SCUBE2: variants seen among roughly 807,000 people sequenced by gnomAD.
SCUBE2 encodes signal peptide, CUB and EGF-like domain-containing protein 2.
In SCUBE2, 114 loss-of-function variants were observed where a neutral mutation model predicts 125.9. The observed-to-expected ratio is 0.91, with a 90% CI of 0.78 to 1.06. The LOEUF (loss-of-function observed/expected upper bound fraction) is 1.06. Ranked by LOEUF, SCUBE2 falls within the 50% of genes least tolerant of loss-of-function variation. The probability of loss-of-function intolerance (pLI) is 0.00; values close to 1 mark genes in which losing one functional copy is unlikely to be tolerated. For missense variants in SCUBE2, 1,255 were observed against 1,301.8 expected (o/e 0.96, Z 0.55); for synonymous variants, 459 against 492.9 (o/e 0.93, Z 0.91).
In SCUBE2 at chr11:9,079,294, C is replaced by T. The variant is rs1564847686; in HGVS notation, c.382+90G>A. ...AGCAGAAAACACAAGGCTCTGAGCC[C>T]GTTTTTGTCTTCATGAGGAGGTCTT... On this transcript the variant is annotated intron_variant, in intron 3 of 22. Coordinates refer to ENST00000649792, the MANE Select transcript of SCUBE2 (RefSeq NM_001367977.2). 6.0e-6 allele frequency: 9 copies of T among 1,493,078 alleles called. No individual in the cohort carries two copies. The South Asian group carries it at 7.5e-5, about 13-fold the overall frequency. 92.5% of individuals were successfully genotyped at this position (1,493,078 alleles called of 1,614,324 possible). A position where few individuals can be genotyped will look rare whatever the true frequency, so the allele number is the denominator to read the frequency against.
At position 9,030,849 on chromosome 11, in the gene SCUBE2, A is replaced by G; in HGVS notation, c.2250T>C (p.Pro750=). The change falls in exon 18 of 23, where the codon CCT becomes CCC. Residue 750 remains proline, a synonymous_variant. Transcript: ENST00000649792. ...GGAAGCAGGAAGTTCGACCAGCTTC[A>G]GGCTGGAACGTGCCCAGGGCACAGA... ...CQLCALGTFQ[P]EAGRTSCFPC... is the part of the protein sequence containing the mutation. 6.2e-7 allele frequency: 1 copy of G among 1,614,212 alleles called. No homozygotes were observed. Among genetic ancestry groups the G allele is most frequent in the Non-Finnish European group, 8.5e-7 (1 of 1,180,014 alleles).
At chr11:9,067,068 T>C (rs577087112) in intron 5 of SCUBE2, among the ~76,000 whole-genome samples, 2 of 151,754 alleles carry the variant, frequency 1.3e-5, no homozygotes, top group Non-Finnish European at 2.9e-5. Context: ...GATGGGAGAG[T>C]TGGGGGAGAG....
At chr11:9,087,147 A>T (rs905898077) in intron 2 of SCUBE2, among the ~76,000 whole-genome samples, 6 of 152,198 alleles carry the variant, frequency 3.9e-5, no homozygotes, top group African/African-American at 1.4e-4. Context: ...TAAACTAAAT[A>T]ATAGACTTTT....
At chr11:9,048,779 C>T (rs1446187562) in intron 14 of SCUBE2, among the ~76,000 whole-genome samples, 1 of 152,156 alleles carries the variant, frequency 6.6e-6, no homozygotes, top group Non-Finnish European at 1.5e-5. Flanking sequence ...TCTGTTAACC[C>T]TCACCAAAGA....
chr11:9,047,248 TA>T, intron 16 of SCUBE2, 107 bp downstream of exon 16: 1 of 1,139,410 alleles, frequency 8.8e-7, no homozygotes. Context: ...GAGTGTTCTC[TA>T]AAGTGAGCCC....
In SCUBE2 at chr11:9,056,785, C is replaced by T. The variant is rs149764021; in HGVS notation, c.1091-876G>A. Among the ~76,000 whole-genome samples, 198 of 152,306 alleles carry T rather than the reference C, an allele frequency of 1.3e-3. 1 individual carries two copies. The highest frequency in any genetic ancestry group is 4.6e-3 in the African/African-American group (191 of 41,560). ...TTTAACATAGTTACGACTTGTGTCT[C>T]CAAATGGATAAACCAGGACCAGTGC... On this transcript the variant is annotated intron_variant, in intron 9 of 22. Coordinates refer to ENST00000649792, the MANE Select transcript of SCUBE2 (RefSeq NM_001367977.2).
intron 10 of SCUBE2, among the ~76,000 whole-genome samples, chr11:9,054,440 G>A (rs1460806359): frequency 6.6e-6 from 1 of 151,978 alleles, no homozygotes; most frequent in Admixed American, 6.5e-5. Flanking sequence ...TAGCAAGGGA[G>A]GCAGACAGAA....
intron 2 of SCUBE2, among the ~76,000 whole-genome samples, chr11:9,083,901 A>AAT (rs1192761978): frequency 1.3e-5 from 2 of 152,180 alleles, no homozygotes; most frequent in African/African-American, 2.4e-5. Flanking sequence ...AATTGTTTTT[A>AAT]ATATATATAC....
At chr11:9,035,305 T>G (rs1193433082) in intron 16 of SCUBE2, among the ~76,000 whole-genome samples, 1 of 152,228 alleles carries the variant, frequency 6.6e-6, no homozygotes, top group Non-Finnish European at 1.5e-5. Context: ...AGCACCCTTT[T>G]ACAGAAACAG....
intron 14 of SCUBE2, among the ~76,000 whole-genome samples, chr11:9,048,414 C>T (rs374128293): frequency 5.8e-4 from 89 of 152,302 alleles, no homozygotes; most frequent in African/African-American, 1.9e-3. Context: ...TCCTTACTGA[C>T]GGTTTGCTAA....
intron 7 of SCUBE2, among the ~76,000 whole-genome samples, chr11:9,062,660 A>G (rs1429040895): frequency 1.3e-5 from 2 of 152,196 alleles, no homozygotes; most frequent in Non-Finnish European, 2.9e-5. Context: ...GGGGGACAAG[A>G]AAAGCATCCA....
At chr11:9,050,457 C>T (rs1435843352) in intron 14 of SCUBE2, 149 bp downstream of exon 14, 6 of 650,808 alleles carry the variant, frequency 9.2e-6, no homozygotes, top group Non-Finnish European at 1.1e-5. Context: ...TGGGATGAGT[C>T]CCTGGAAGTT....
chr11:9,052,682 C>G, intron 13 of SCUBE2, 64 bp downstream of exon 13: 1 of 1,196,152 alleles, frequency 8.4e-7, no homozygotes, highest in Admixed American at 2.2e-5. Flanking sequence ...AGAACAGCAC[C>G]CCGTGAATGA....
At chr11:9,066,957 T>C in intron 5 of SCUBE2, 144 bp from the exon 6 acceptor site, 1 of 661,174 alleles carries the variant, frequency 1.5e-6, no homozygotes, top group Non-Finnish European at 2.7e-6. Flanking sequence ...AAGACATAAC[T>C]CCAAGTCAGA....
At position 9,047,480 on chromosome 11, in the gene SCUBE2, G is replaced by A; in HGVS notation, c.1878C>T (p.His626=). ...KAIRTLRKAV[H]REQFHLQLSG... Reference sequence around the variant, plus strand: ...AGAGCTGGAGGTGAAACTGCTCCCTGTGGACGGCCTTTCTGAGCGTGCGGA... The same window carrying A: ...AGAGCTGGAGGTGAAACTGCTCCCTATGGACGGCCTTTCTGAGCGTGCGGA... The change falls in exon 16 of 23, where the codon CAC becomes CAT. Residue 626 remains histidine, a synonymous_variant. Coordinates refer to ENST00000649792, the MANE Select transcript of SCUBE2 (RefSeq NM_001367977.2). 3 of 1,614,094 alleles carry A rather than the reference G, an allele frequency of 1.9e-6. No individual in the cohort carries two copies. Among genetic ancestry groups the A allele is most frequent in the Non-Finnish European group, 2.5e-6 (3 of 1,180,026 alleles).
intron 13 of SCUBE2, among the ~76,000 whole-genome samples, chr11:9,050,970 CTGGCGAACA>C (rs1858305067): frequency 2.0e-5 from 3 of 152,170 alleles, no homozygotes; most frequent in African/African-American, 7.2e-5. Flanking sequence ...AGAGGCCAGC[CTGGCGAACA>C]TGGTGAAACC....
chr11:9,088,838 G>C (rs1013845445), intron 2 of SCUBE2, among the ~76,000 whole-genome samples: 4 of 152,218 alleles, frequency 2.6e-5, no homozygotes, highest in African/African-American at 9.6e-5. Flanking sequence ...GTAAATATGA[G>C]AAACGTGGGG....
In SCUBE2 at chr11:9,089,769, G is replaced by A; in HGVS notation, c.194C>T (p.Thr65Ile). ...DCHADALCQN[T>I]PTSYKCSCKP... The stretch of plus-strand genomic sequence containing the variant: ...GCAGGAGCACTTGTAGGAGGTGGGT[G>A]TGTTCTGACACAGGGCGTCGGCATG... The change falls in exon 2 of 23, where the codon ACA (threonine) becomes ATA (isoleucine). Residue 65 changes from threonine to isoleucine, a missense_variant. Around this residue, in one of 3 missense-constraint regions of SCUBE2, gnomAD observed 362 missense variants for 323.0 expected, o/e 1.12. Coordinates refer to ENST00000649792, the MANE Select transcript of SCUBE2 (RefSeq NM_001367977.2). 1.1e-5 allele frequency: 17 copies of A among 1,613,992 alleles called. No individual in the cohort carries two copies. Among genetic ancestry groups the A allele is most frequent in the Admixed American group, 1.7e-5 (1 of 60,018 alleles).
intron 2 of SCUBE2, among the ~76,000 whole-genome samples, chr11:9,088,349 A>G (rs1464218492): frequency 6.6e-6 from 1 of 152,234 alleles, no homozygotes; most frequent in African/African-American, 2.4e-5. Flanking sequence ...TTAGCTGGAC[A>G]TGGTGGCAGG....
Sources: gnomAD v4.1 joint callset for allele counts (sites outside exome capture counted in the v4.1 genomes callset) on GRCh38, gnomAD v4.1.1 for gene constraint, gnomAD v4.1.1 regional missense constraint, MANE v1.5 for transcripts, NCBI Gene and HGNC (gene_info 2026-07-23, HGNC 2026-07-21) for gene names.